Variants in CPLANE1 observed in about 807,000 individuals in gnomAD.
The protein encoded by CPLANE1 is ciliogenesis and planar polarity effector complex subunit 1.
Under a neutral mutation model 362.5 loss-of-function variants are expected in CPLANE1, and 263 were observed. That is an observed-to-expected ratio of 0.73 (90% CI 0.66 to 0.80). The LOEUF (loss-of-function observed/expected upper bound fraction) is 0.80. Ranked by LOEUF, CPLANE1 falls within the 30% of genes least tolerant of loss-of-function variation. The pLI, the probability that CPLANE1 is intolerant of heterozygous loss-of-function variation, is 0.00. For missense variants in CPLANE1, 3,461 were observed against 3,793.4 expected (o/e 0.91, Z 2.30); for synonymous variants, 1,212 against 1,302.6 (o/e 0.93, Z 1.50).
chr5:37,211,830 G>A (rs750538345), intron 16 of CPLANE1: 37 of 801,054 alleles, frequency 4.6e-5, no homozygotes, highest in Admixed American at 2.5e-4. Flanking sequence ...TAAGGATAAC[G>A]AGGAATTTGA....
intron 51 of CPLANE1, among the ~76,000 whole-genome samples, chr5:37,112,089 C>G (rs1338606599): frequency 6.6e-6 from 1 of 152,142 alleles, no homozygotes; most frequent in African/African-American, 2.4e-5. Context: ...TCAACTAATC[C>G]CAAACTCATC....
chr5:37,150,554 TC>T (rs1385381354), intron 42 of CPLANE1, among the ~76,000 whole-genome samples: 4 of 151,860 alleles, frequency 2.6e-5, no homozygotes, highest in Non-Finnish European at 5.9e-5. Flanking sequence ...CTCCTCCTCT[TC>T]CTTAGTTTGG....
chr5:37,173,760 C>T lies in CPLANE1; in HGVS notation c.6166G>A (p.Val2056Ile), dbSNP rs748142967. The T allele has an allele frequency of 1.9e-6, 3 of 1,613,510 alleles. No individual in the cohort carries two copies. In the African/African-American group the frequency reaches 4.0e-5, roughly 22 times the overall value. Residue 2056 changes from valine to isoleucine, a missense_variant, in exon 32 of 53, where the codon GTT (valine) becomes ATT (isoleucine). Val to Ile is a conservative substitution (Grantham distance 29). This residue lies in a region of CPLANE1 where 3,380 missense variants were observed against 3,666.1 expected (regional missense o/e 0.92). Transcript: ENST00000651892. ...QMLQDEMFKL[V>I]QLQQINFMSL... ...TTATATAGAGATGTGCTTACCTGAA[C>T]TAATTTAAACATTTCATCTTGCAGC...
chr5:37,080,863 A>G, the CPLANE1 span, among the ~76,000 whole-genome samples: 2 of 152,352 alleles, frequency 1.3e-5, no homozygotes, highest in South Asian at 4.1e-4. Context: ...TATGGAGGTT[A>G]TGTTCTACTA....
chr5:37,200,258 T>C (rs1788759638), intron 19 of CPLANE1, among the ~76,000 whole-genome samples: 1 of 152,190 alleles, frequency 6.6e-6, no homozygotes, highest in Non-Finnish European at 1.5e-5. Flanking sequence ...TACGGTGACA[T>C]TTAGAAGAAA....
At chr5:37,215,981 G>A (rs373378427) in intron 15 of CPLANE1, among the ~76,000 whole-genome samples, 1 of 151,740 alleles carries the variant, frequency 6.6e-6, no homozygotes. Flanking sequence ...ATAGGCACAC[G>A]CCACCTTGAC....
At chr5:37,218,085 T>A (rs1370397370) in intron 15 of CPLANE1, among the ~76,000 whole-genome samples, 1 of 152,228 alleles carries the variant, frequency 6.6e-6, no homozygotes, top group Non-Finnish European at 1.5e-5. Context: ...GGAACTACCA[T>A]AGCATGCATG....
chr5:37,176,762 CTT>C (rs11463353), intron 30 of CPLANE1, among the ~76,000 whole-genome samples: 6 of 137,130 alleles, frequency 4.4e-5, no homozygotes, highest in Non-Finnish European at 4.7e-5. Flanking sequence ...ATTATGTTGC[CTT>C]TTTTTTTTTT....
Position 37,120,228 on chromosome 5 carries a change from G to A in CPLANE1, c.9298C>T (p.Pro3100Ser). The A allele has an allele frequency of 2.5e-6, 4 of 1,602,174 alleles. No individual in the cohort carries two copies. The highest frequency in any genetic ancestry group is 2.5e-6 in the Non-Finnish European group (3 of 1,177,068). The change falls in exon 50 of 53, where the codon CCT (proline) becomes TCT (serine). Residue 3100 changes from proline to serine, a missense_variant. Around this residue, in one of 2 missense-constraint regions of CPLANE1, gnomAD observed 3,380 missense variants for 3,666.1 expected, o/e 0.92. Transcript: ENST00000651892. ...CTTTAAGTCTTACCATGTGGCCAAG[G>A]TGAGCCTTGAGGTTGCCCAAAAGAC... ...RKSFGQPQGS[P>S]WPHGTATFTI...
chr5:37,174,117 C>T (rs1021157116), intron 31 of CPLANE1, among the ~76,000 whole-genome samples, 170 bp from the exon 32 acceptor site: 1 of 152,088 alleles, frequency 6.6e-6, no homozygotes, highest in Non-Finnish European at 1.5e-5. Flanking sequence ...TGCCCGTCAG[C>T]CCCCCAGACA....
chr5:37,192,701 A>G (rs1212813688), intron 21 of CPLANE1, among the ~76,000 whole-genome samples: 1 of 151,246 alleles, frequency 6.6e-6, no homozygotes, highest in Non-Finnish European at 1.5e-5. Flanking sequence ...CGTCTCTACT[A>G]AAAATACAAA....
chr5:37,108,216 A>G, intron 52 of CPLANE1, 77 bp downstream of exon 52: 1 of 1,353,814 alleles, frequency 7.4e-7, no homozygotes, highest in Non-Finnish European at 1.0e-6. Flanking sequence ...AAACTAAAAA[A>G]CAAACAAACA....
chr5:37,144,356 C>T (rs541904390), intron 43 of CPLANE1, among the ~76,000 whole-genome samples: 117 of 143,656 alleles, frequency 8.1e-4, no homozygotes, highest in African/African-American at 2.9e-3. Context: ...TGCAGTGAGC[C>T]GAGATCGCAC....
chr5:37,183,259 T>G lies in CPLANE1; in HGVS notation c.4922A>C (p.His1641Pro). The G allele has an allele frequency of 6.2e-7, 1 of 1,613,092 alleles. No individual in the cohort carries two copies. Among genetic ancestry groups the G allele is most frequent in the African/African-American group, 1.3e-5 (1 of 75,016 alleles). Residue 1641 changes from histidine to proline, a missense_variant, in exon 26 of 53, where the codon CAT (histidine) becomes CCT (proline). Physicochemically the swap from His to Pro is moderately conservative, Grantham distance 77. This residue lies in a region of CPLANE1 where 3,380 missense variants were observed against 3,666.1 expected (regional missense o/e 0.92). Transcript: ENST00000651892. ...TGATGAAAGTTTCTGGTTTTCTAAA[T>G]GCATGCCATATTCATCATTTAAAGA... Reference protein sequence around the residue: ...SSSLNDEYGMHLENQKLSSSV... With the variant: ...SSSLNDEYGMPLENQKLSSSV...
In CPLANE1 at chr5:37,138,751, C is replaced by T. The variant is rs553622028; in HGVS notation, c.8761G>A (p.Gly2921Ser). 2.5e-6 allele frequency: 4 copies of T among 1,612,812 alleles called. No individual in the cohort carries two copies. The South Asian group carries it at 4.4e-5, about 18-fold the overall frequency. The change falls in exon 46 of 53, where the codon GGC becomes AGC. Residue 2921 changes from glycine to serine, a missense_variant. Gly to Ser is a moderately conservative substitution (Grantham distance 56). Transcript: ENST00000651892. ...IKDGVSSEEL[G>S]LTEQAMGTSR... ...GTGCCCATAGCTTGTTCTGTTAAGCCAAGTTCTTCACTGGAAACTCCGTCT... is the reference window on the plus strand; with the variant it reads ...GTGCCCATAGCTTGTTCTGTTAAGCTAAGTTCTTCACTGGAAACTCCGTCT...
At chr5:37,108,949 A>C (rs1024579996) in intron 51 of CPLANE1, among the ~76,000 whole-genome samples, 7 of 152,344 alleles carry the variant, frequency 4.6e-5, no homozygotes, top group African/African-American at 1.7e-4. Flanking sequence ...CTTTCTTCTT[A>C]CTGCATATAT....
At chr5:37,187,690 C>A (rs745380429) in intron 22 of CPLANE1, 43 bp downstream of exon 22, 1 of 1,575,094 alleles carries the variant, frequency 6.3e-7, no homozygotes. Flanking sequence ...TAATTTCCCA[C>A]TTAACGTGTG....
chr5:37,173,196 T>C (rs564256217), intron 32 of CPLANE1, among the ~76,000 whole-genome samples: 3 of 152,158 alleles, frequency 2.0e-5, no homozygotes, highest in East Asian at 1.9e-4. Flanking sequence ...CCAGGTATGA[T>C]GAAAGTCAAA....
intron 38 of CPLANE1, among the ~76,000 whole-genome samples, chr5:37,159,218 TC>T (rs1242889712): frequency 2.8e-5 from 4 of 145,438 alleles, no homozygotes; most frequent in African/African-American, 1.0e-4. Flanking sequence ...TTCACGCCAT[TC>T]TCCTGCCTCA....
Sources: gnomAD v4.1 joint callset for allele counts (sites outside exome capture counted in the v4.1 genomes callset) on GRCh38, gnomAD v4.1.1 for gene constraint, gnomAD v4.1.1 regional missense constraint, MANE v1.5 for transcripts, NCBI Gene and HGNC (gene_info 2026-07-23, HGNC 2026-07-21) for gene names.